The following GRM1 variants were observed in gnomAD, a reference collection of about 807,000 sequenced individuals.
GRM1 encodes metabotropic glutamate receptor 1.
In GRM1, 33 loss-of-function variants were observed where a neutral mutation model predicts 90.9. The ratio of observed to expected loss-of-function variants is 0.36; its 90% CI spans 0.28 to 0.49. The LOEUF (loss-of-function observed/expected upper bound fraction) is 0.49. Ranked by LOEUF, GRM1 falls within the 20% of genes least tolerant of loss-of-function variation. The pLI is 0.99. For missense variants in GRM1, 1,190 were observed against 1,534.3 expected (o/e 0.78, Z 3.75); for synonymous variants, 700 against 613.2 (o/e 1.14, Z -2.09).
At chr6:146,045,639 G>A (rs1403431811) in intron 1 of GRM1, among the ~76,000 whole-genome samples, 2 of 148,344 alleles carry the variant, frequency 1.3e-5, no homozygotes, top group South Asian at 2.1e-4. Flanking sequence ...CAAGATGATC[G>A]ATTATTTATT....
At chr6:146,138,527 A>G (rs1380399316) in intron 1 of GRM1, among the ~76,000 whole-genome samples, 1 of 152,100 alleles carries the variant, frequency 6.6e-6, no homozygotes, top group Admixed American at 6.6e-5. Flanking sequence ...TTTCCGGGAA[A>G]CATTTTATTA....
chr6:146,425,339 T>G (rs571352765), intron 7 of GRM1, among the ~76,000 whole-genome samples: 11 of 152,352 alleles, frequency 7.2e-5, no homozygotes, highest in African/African-American at 2.4e-4. Context: ...TCCCAGCACC[T>G]GTCAGGCCTC....
chr6:146,258,914 T>C (rs1781582336), intron 2 of GRM1, among the ~76,000 whole-genome samples: 1 of 152,106 alleles, frequency 6.6e-6, no homozygotes, highest in South Asian at 2.1e-4. Flanking sequence ...TTCAATGCAT[T>C]GAAATAATAG....
At chr6:146,237,994 G>A (rs558756080) in intron 2 of GRM1, among the ~76,000 whole-genome samples, 11 of 152,214 alleles carry the variant, frequency 7.2e-5, no homozygotes, top group African/African-American at 2.6e-4. Context: ...ATGACCCCTG[G>A]TTACAAATCA....
chr6:146,244,624 G>A (rs1452934837), intron 2 of GRM1, among the ~76,000 whole-genome samples: 2 of 152,182 alleles, frequency 1.3e-5, no homozygotes, highest in Non-Finnish European at 2.9e-5. Context: ...GGGTTTTGGG[G>A]TAGCCTACGA....
At chr6:146,265,530 T>G (rs1464314998) in intron 2 of GRM1, among the ~76,000 whole-genome samples, 1 of 152,224 alleles carries the variant, frequency 6.6e-6, no homozygotes, top group African/African-American at 2.4e-5. Flanking sequence ...ACTTTTTAGT[T>G]TAGTAGTCTC....
At chr6:146,265,286 T>C (rs955521749) in intron 2 of GRM1, among the ~76,000 whole-genome samples, 17 of 152,218 alleles carry the variant, frequency 1.1e-4, no homozygotes, top group South Asian at 2.1e-4. Flanking sequence ...TGATTAGTAA[T>C]GTTGAGCATT....
intron 3 of GRM1, among the ~76,000 whole-genome samples, chr6:146,321,960 C>T (rs1211906816): frequency 6.6e-6 from 1 of 151,858 alleles, no homozygotes; most frequent in Non-Finnish European, 1.5e-5. Context: ...TTTTTGTTCC[C>T]TTGCTGGAGA....
chr6:146,203,228 T>A, intron 2 of GRM1, among the ~76,000 whole-genome samples: 2 of 151,566 alleles, frequency 1.3e-5, no homozygotes, highest in African/African-American at 4.8e-5. Context: ...AATAAATAAA[T>A]AAATAAATAA....
intron 2 of GRM1, among the ~76,000 whole-genome samples, chr6:146,217,707 T>G (rs958277048): frequency 6.6e-6 from 1 of 152,152 alleles, no homozygotes; most frequent in African/African-American, 2.4e-5. Flanking sequence ...AGAATATGCA[T>G]GCAGAGCCCA....
intron 4 of GRM1, among the ~76,000 whole-genome samples, chr6:146,353,453 G>A (rs1785474509): frequency 6.6e-6 from 1 of 152,122 alleles, no homozygotes; most frequent in Non-Finnish European, 1.5e-5. Flanking sequence ...TGCTGTAGGT[G>A]GATCATTGTC....
chr6:146,097,816 C>T (rs1776922439), intron 1 of GRM1, among the ~76,000 whole-genome samples: 1 of 152,206 alleles, frequency 6.6e-6, no homozygotes, highest in Non-Finnish European at 1.5e-5. Context: ...TCAATGACAA[C>T]CTGTCCTGAT....
chr6:146,173,558 A>G (rs1778222696), intron 2 of GRM1, among the ~76,000 whole-genome samples: 1 of 152,126 alleles, frequency 6.6e-6, no homozygotes, highest in African/African-American at 2.4e-5. Flanking sequence ...TGCCTTAATC[A>G]TTCTAGACAG....
intron 2 of GRM1, among the ~76,000 whole-genome samples, chr6:146,259,149 C>T (rs925162356): frequency 7.9e-5 from 12 of 152,106 alleles, no homozygotes; most frequent in Non-Finnish European, 1.2e-4. Flanking sequence ...AACGCTTTCC[C>T]TTCCACCTCT....
chr6:146,030,340 T>C (rs1446478864), intron 1 of GRM1, 123 bp downstream of exon 1: 6 of 763,264 alleles, frequency 7.9e-6, no homozygotes, highest in Non-Finnish European at 1.4e-5. Flanking sequence ...TTTACCCTTC[T>C]CAGTACTGCC....
intron 3 of GRM1, among the ~76,000 whole-genome samples, chr6:146,312,345 G>A (rs866066105): frequency 2.0e-5 from 1 of 50,576 alleles, no homozygotes; most frequent in Non-Finnish European, 3.2e-5. Context: ...AAAGAACTCC[G>A]TCTCAAAAAA....
At chr6:146,077,066 G>T (rs190285130) in intron 1 of GRM1, among the ~76,000 whole-genome samples, 30 of 152,190 alleles carry the variant, frequency 2.0e-4, no homozygotes, top group Admixed American at 2.0e-3. Context: ...CGTTATTTTG[G>T]AATTTGAATG....
chr6:146,350,673 A>G (rs1050353672), intron 3 of GRM1, among the ~76,000 whole-genome samples: 1 of 152,218 alleles, frequency 6.6e-6, no homozygotes, highest in Non-Finnish European at 1.5e-5. Flanking sequence ...AGTGACAGAC[A>G]TAAGCTACTC....
rs751080672 is a variant in GRM1, at chr6:146,387,029, T to G, written c.1729+13T>G. 11 of 1,612,564 alleles carry G rather than the reference T, an allele frequency of 6.8e-6. No homozygotes were observed. Among genetic ancestry groups the G allele is most frequent in the Non-Finnish European group, 8.5e-6 (10 of 1,178,788 alleles). On this transcript the variant is annotated intron_variant, in intron 6 of 7. Transcript: ENST00000282753. ...GCAGATCTAACAGGTAGGAACTGCC[T>G]CACTTGGAAACCTTGTGCCTCACTA...
Sources: gnomAD v4.1 joint callset for allele counts (sites outside exome capture counted in the v4.1 genomes callset) on GRCh38, gnomAD v4.1.1 for gene constraint, MANE v1.5 for transcripts, NCBI Gene and HGNC (gene_info 2026-07-23, HGNC 2026-07-21) for gene names.